KSR2: variants seen among roughly 807,000 people sequenced by gnomAD.
The protein encoded by KSR2 is kinase suppressor of ras 2.
A neutral mutation model predicts 107.8 loss-of-function variants in KSR2; 25 were observed. The ratio of observed to expected loss-of-function variants is 0.23; its 90% CI spans 0.17 to 0.32. The LOEUF (loss-of-function observed/expected upper bound fraction) is 0.32, where lower values mean the gene tolerates loss of function less well. Among genes scored for constraint, KSR2 ranks in the 10% least tolerant of loss-of-function variants. KSR2 has a pLI of 1.00. For synonymous variants in KSR2, 480 were observed against 507.0 expected (o/e 0.95, Z 0.71); for missense variants, 887 against 1,268.9 (o/e 0.70, Z 4.57).
intron 3 of KSR2, among the ~76,000 whole-genome samples, chr12:117,815,679 AGT>A: frequency 6.6e-6 from 1 of 152,224 alleles, no homozygotes; most frequent in East Asian, 1.9e-4. Context: ...GGGTATAGAA[AGT>A]GTGTGTGTGG....
At chr12:117,663,410 C>A (rs769647658) in intron 5 of KSR2, among the ~76,000 whole-genome samples, 2 of 152,154 alleles carry the variant, frequency 1.3e-5, no homozygotes, top group Non-Finnish European at 2.9e-5. Flanking sequence ...AAGTGAACTG[C>A]TTTGTGCAAT....
intron 4 of KSR2, among the ~76,000 whole-genome samples, chr12:117,747,680 G>A (rs1888462185): frequency 6.6e-6 from 1 of 152,056 alleles, no homozygotes; most frequent in South Asian, 2.1e-4. Flanking sequence ...ACATGCAAAT[G>A]ACCAATCGAT....
At chr12:117,629,479 C>T (rs76552003) in intron 5 of KSR2, among the ~76,000 whole-genome samples, 2 of 152,038 alleles carry the variant, frequency 1.3e-5, no homozygotes, top group Admixed American at 6.6e-5. Flanking sequence ...TGAAACCAAA[C>T]GGGAGAAAAG....
At chr12:117,637,672 T>TG in intron 5 of KSR2, among the ~76,000 whole-genome samples, 2 of 127,466 alleles carry the variant, frequency 1.6e-5, no homozygotes, top group Non-Finnish European at 3.2e-5. Context: ...CAGTCAGTTT[T>TG]GGGTTTTTTT....
chr12:117,948,341 T>G (rs1298258269), intron 1 of KSR2, among the ~76,000 whole-genome samples: 4 of 151,772 alleles, frequency 2.6e-5, no homozygotes, highest in Non-Finnish European at 4.4e-5. Flanking sequence ...TACAAAAAAA[T>G]TAGCTGGGCG....
intron 1 of KSR2, among the ~76,000 whole-genome samples, chr12:117,937,977 A>G (rs1593385747): frequency 1.3e-5 from 2 of 150,850 alleles, no homozygotes. Context: ...TCAAGAAAAA[A>G]AAAAAAAAAA....
chr12:117,595,531 A>AT (rs1565917888), intron 5 of KSR2, among the ~76,000 whole-genome samples: 1 of 150,964 alleles, frequency 6.6e-6, no homozygotes, highest in African/African-American at 2.4e-5. Context: ...CGCCCGGCTA[A>AT]TTTTTTGTAT....
At chr12:117,508,557 T>C (rs939320954) in intron 14 of KSR2, among the ~76,000 whole-genome samples, 1 of 151,618 alleles carries the variant, frequency 6.6e-6, no homozygotes, top group Non-Finnish European at 1.5e-5. Context: ...GGTAGGTAGG[T>C]GGATAGCTGG....
chr12:117,741,678 C>T (rs575809296), intron 4 of KSR2, among the ~76,000 whole-genome samples: 2 of 152,112 alleles, frequency 1.3e-5, no homozygotes, highest in Admixed American at 6.5e-5. Context: ...CTGGTCTTGA[C>T]AGAGAAAGAC....
chr12:117,760,856 C>T (rs1246656239), intron 4 of KSR2, among the ~76,000 whole-genome samples, 155 bp downstream of exon 4: 3 of 152,222 alleles, frequency 2.0e-5, no homozygotes, highest in Non-Finnish European at 4.4e-5. Context: ...TTCATTTGCT[C>T]AGAACCCTCT....
Position 117,476,526 on chromosome 12 carries a change from C to A in KSR2, c.2520G>T (p.Leu840=). The change falls in exon 17 of 20, where the codon CTG becomes CTT. Residue 840 remains leucine (L), a synonymous_variant. Coordinates refer to ENST00000339824, the MANE Select transcript of KSR2 (RefSeq NM_173598.6). ...GCTTATCCTCCTCTGTGTCGGGGGA[C>A]AGCTGGCGGATGATCTCTGGTGCCA... is the stretch of plus-strand genomic sequence containing the variant. The part of the protein sequence containing the change: ...CHLAPEIIRQ[L]SPDTEEDKLP... The A allele has an allele frequency of 6.2e-7, 1 of 1,609,904 alleles. No individual in the cohort carries two copies. Among genetic ancestry groups the A allele is most frequent in the South Asian group, 1.1e-5 (1 of 89,714 alleles).
intron 1 of KSR2, among the ~76,000 whole-genome samples, chr12:117,862,994 G>T (rs1893361557): frequency 6.6e-6 from 1 of 152,244 alleles, no homozygotes. Flanking sequence ...CTCCCAAAGT[G>T]CTGGGATTAC....
chr12:117,722,186 A>T (rs751178739), intron 4 of KSR2, among the ~76,000 whole-genome samples: 7 of 152,258 alleles, frequency 4.6e-5, no homozygotes, highest in South Asian at 2.1e-4. Flanking sequence ...TAATTCTTTT[A>T]AATTTAAATA....
intron 4 of KSR2, among the ~76,000 whole-genome samples, chr12:117,694,109 G>A (rs946741208): frequency 3.9e-5 from 6 of 152,176 alleles, no homozygotes; most frequent in Admixed American, 2.6e-4. Flanking sequence ...CGAATGTGAA[G>A]TGATGCAGCT....
chr12:117,776,074 A>G, intron 3 of KSR2, among the ~76,000 whole-genome samples: 1 of 151,640 alleles, frequency 6.6e-6, no homozygotes, highest in East Asian at 1.9e-4. Context: ...TCCCCAAAAA[A>G]CTATGGAAAT....
At chr12:117,569,162 A>G (rs547251430) in intron 7 of KSR2, among the ~76,000 whole-genome samples, 13 of 151,788 alleles carry the variant, frequency 8.6e-5, no homozygotes, top group African/African-American at 2.9e-4. Context: ...AAAATTGGAC[A>G]TTTTTAGGTA....
At chr12:117,920,157 G>A (rs932214112) in intron 1 of KSR2, among the ~76,000 whole-genome samples, 12 of 152,118 alleles carry the variant, frequency 7.9e-5, no homozygotes, top group African/African-American at 2.7e-4. Context: ...AGAGGAGAGT[G>A]GCACAATCAT....
chr12:117,875,462 C>T (rs1302902567), intron 1 of KSR2, among the ~76,000 whole-genome samples: 1 of 151,938 alleles, frequency 6.6e-6, no homozygotes, highest in Non-Finnish European at 1.5e-5. Context: ...CTCGCAGCAG[C>T]GCCAAGGGAA....
At chr12:117,652,334 A>G (rs1374969410) in intron 5 of KSR2, among the ~76,000 whole-genome samples, 1 of 152,234 alleles carries the variant, frequency 6.6e-6, no homozygotes, top group African/African-American at 2.4e-5. Context: ...AATAATTTAA[A>G]AAAGAATACT....
Sources: allele counts gnomAD v4.1 joint callset (sites outside exome capture counted in the v4.1 genomes callset), GRCh38; gene constraint gnomAD v4.1.1; transcripts MANE v1.5; gene names NCBI Gene and HGNC (gene_info 2026-07-23, HGNC 2026-07-21).